The following S1PR3 variants were observed in gnomAD, a reference collection of about 807,000 sequenced individuals.
S1PR3 encodes sphingosine-1-phosphate receptor 3.
In S1PR3, 12 loss-of-function variants were observed where a neutral mutation model predicts 13.3. The ratio of observed to expected loss-of-function variants is 0.90; its 90% CI spans 0.58 to 1.46. S1PR3 has a LOEUF of 1.46. Ranked by LOEUF, S1PR3 falls within the 40% of genes most tolerant of loss-of-function variation. The pLI, the probability that S1PR3 is intolerant of heterozygous loss-of-function variation, is 0.00. For missense variants in S1PR3, 450 were observed against 501.9 expected (o/e 0.90, Z 0.99); for synonymous variants, 232 against 214.0 (o/e 1.08, Z -0.73).
Position 89,001,404 on chromosome 9 carries a change from T to C in S1PR3, c.204T>C (p.Asn68=), listed in dbSNP as rs778851016. Residue 68 remains asparagine, a synonymous_variant, in exon 2 of 2, where the codon AAT becomes AAC. Coordinates refer to ENST00000358157, the MANE Select transcript of S1PR3 (RefSeq NM_005226.4). ...LMVLIAIWKN[N]KFHNRMYFFI... ...TTTTGATTGCCATCTGGAAAAACAA[T>C]AAATTTCACAACCGCATGTACTTTT... 2 of 1,614,064 alleles carry C rather than the reference T, an allele frequency of 1.2e-6. No individual in the cohort carries two copies. Among genetic ancestry groups the C allele is most frequent in the South Asian group, 2.2e-5 (2 of 91,084 alleles).
chr9:88,991,885 A>C lies in S1PR3; in HGVS notation c.-148+190A>C. On this transcript the variant is annotated intron_variant, in intron 1 of 1. Transcript: ENST00000358157. The surrounding 1 kb of genome is among the most constrained non-coding windows in gnomAD (Gnocchi z 4.0). ...CAGGAACAGGGAGGAGGCCTTTTCC[A>C]CCGCACCCGGAGCGTTTACAACGGG... 6.2e-7 allele frequency: 1 copy of C among 1,614,160 alleles called. No homozygotes were observed. The highest frequency in any genetic ancestry group is 1.3e-5 in the African/African-American group (1 of 75,050).
chr9:88,991,020 A>G, upstream of S1PR3: 1 of 1,613,498 alleles, frequency 6.2e-7, no homozygotes, highest in Admixed American at 1.7e-5. The surrounding 1 kb of genome is among the most constrained non-coding windows in gnomAD (Gnocchi z 4.0). Flanking sequence ...GACAACGATA[A>G]TGATAGTATT....
chr9:88,992,151 T>C lies in S1PR3; in HGVS notation c.-148+456T>C, dbSNP rs117233671. On this transcript the variant is annotated intron_variant, in intron 1 of 1. Coordinates refer to ENST00000358157, the MANE Select transcript of S1PR3 (RefSeq NM_005226.4). ...CAATTAGGGCCGTCAGAATCGGTGC[T>C]GGAAGACGAAGTCCCCACAGTGCAA... 294 of 958,508 alleles carry C rather than the reference T, an allele frequency of 3.1e-4. No individual in the cohort carries two copies. The East Asian group carries it at 7.5e-3, about 24-fold the overall frequency. 59.4% of individuals were successfully genotyped at this position (958,508 alleles called of 1,614,324 possible). A position where few individuals can be genotyped will look rare whatever the true frequency, so the allele number is the denominator to read the frequency against.
chr9:88,993,344 G>T (rs1274548365), intron 1 of S1PR3: 1 of 152,240 alleles, frequency 6.6e-6, no homozygotes, highest in Admixed American at 6.5e-5. Flanking sequence ...AAAAAAAGGA[G>T]AATTTGAGCA....
chr9:88,997,594 G>C (rs1825818372), intron 1 of S1PR3: 1 of 152,228 alleles, frequency 6.6e-6, no homozygotes, highest in Non-Finnish European at 1.5e-5. Flanking sequence ...GGAACATGGA[G>C]CTGTACTTGA....
rs1426797948 is a variant in S1PR3, at chr9:89,005,060, C to T, written c.*2723C>T. ...TTGTTTTATCGTTTTCACCGGGTGCCCTCCCCACTGCAGGGGTGCGCACTG... is the reference window on the plus strand; with the variant it reads ...TTGTTTTATCGTTTTCACCGGGTGCTCTCCCCACTGCAGGGGTGCGCACTG... On this transcript the variant is annotated 3_prime_UTR_variant, in exon 2 of 2. Transcript: ENST00000358157. 6.1e-6 allele frequency: 1 copy of T among 164,336 alleles called. No individual in the cohort carries two copies. The highest frequency in any genetic ancestry group is 1.5e-5 in the Non-Finnish European group (1 of 68,096). 10.2% of individuals were successfully genotyped at this position (164,336 alleles called of 1,614,324 possible).
chr9:89,001,216 C>T lies in S1PR3; in HGVS notation c.16C>T (p.Pro6Ser). 6.2e-7 allele frequency: 1 copy of T among 1,612,738 alleles called. No individual in the cohort carries two copies. Among genetic ancestry groups the T allele is most frequent in the Non-Finnish European group, 8.5e-7 (1 of 1,178,932 alleles). Residue 6 changes from proline to serine, a missense_variant, in exon 2 of 2, where the codon CCG (proline) becomes TCG (serine). Transcript: ENST00000358157. ...ATGCCAAGTGATGGCAACTGCCCTC[C>T]CGCCGCGTCTCCAGCCGGTGCGGGG... MATAL[P>S]PRLQPVRGNE...
Position 88,995,653 on chromosome 9 carries a change from TG to T in S1PR3, c.-148+3962del, listed in dbSNP as rs375936772. On this transcript the variant is annotated intron_variant, in intron 1 of 1. Transcript: ENST00000358157. ...GGATGACATGAAAACCCTTAGCTAA[TG>T]GGGTCTTTATTGAGTAGAACTCAGG... 329 of 167,206 alleles carry T rather than the reference TG, an allele frequency of 2.0e-3. 4 individuals carry two copies. Among genetic ancestry groups the T allele is most frequent in the Middle Eastern group, 6.8e-3 (2 of 296 alleles). 10.4% of individuals were successfully genotyped at this position (167,206 alleles called of 1,614,324 possible). A position where few individuals can be genotyped will look rare whatever the true frequency, so the allele number is the denominator to read the frequency against.
At chr9:88,998,012 C>T (rs1224234537) in intron 1 of S1PR3, 2 of 152,266 alleles carry the variant, frequency 1.3e-5, no homozygotes, top group Non-Finnish European at 2.9e-5. Context: ...TGGCAGGAGA[C>T]AGCCTGATGG....
At chr9:88,995,577 G>A (rs1825792198) in intron 1 of S1PR3, 1 of 166,994 alleles carries the variant, frequency 6.0e-6, no homozygotes, top group South Asian at 2.1e-4. Flanking sequence ...AAAAAAAAAT[G>A]TGTTGGTATT....
At chr9:88,999,024 CCT>C (rs1825838163) in intron 1 of S1PR3, 1 of 152,358 alleles carries the variant, frequency 6.6e-6, no homozygotes, top group Non-Finnish European at 1.5e-5. Flanking sequence ...CAGGCAACCT[CCT>C]CTCATCCTGC....
At position 88,995,776 on chromosome 9, in the gene S1PR3, C is replaced by T. The variant is rs572097678; in HGVS notation, c.-148+4081C>T. On this transcript the variant is annotated intron_variant, in intron 1 of 1. Transcript: ENST00000358157. ...GTCTCTTGAAGAGCTGGGTGGTGGG[C>T]GGGGGTCTTCCCAGGTGGTCAGGGA... 4.8e-5 allele frequency: 8 copies of T among 167,056 alleles called. No individual in the cohort carries two copies. In the South Asian group the frequency reaches 1.0e-3, roughly 22 times the overall value. 10.3% of individuals were successfully genotyped at this position (167,056 alleles called of 1,614,324 possible).
At position 89,001,904 on chromosome 9, in the gene S1PR3, C is replaced by T. The variant is rs376050822; in HGVS notation, c.704C>T (p.Ser235Leu). Residue 235 changes from serine to leucine, a missense_variant, in exon 2 of 2, where the codon TCG becomes TTG. Physicochemically the swap from Ser to Leu is moderately radical, Grantham distance 145 (BLOSUM62 -2). Transcript: ENST00000358157. ...CGTAAGGTGGCCAACCACAACAACT[C>T]GGAGCGGTCCATGGCACTGCTGCGG... ...SSRKVANHNN[S>L]ERSMALLRTV... 9.5e-5 allele frequency: 153 copies of T among 1,614,110 alleles called. No homozygotes were observed. Among genetic ancestry groups the T allele is most frequent in the Non-Finnish European group, 1.3e-4 (151 of 1,180,048 alleles).
chr9:88,996,147 G>A (rs909526486), intron 1 of S1PR3: 8 of 155,772 alleles, frequency 5.1e-5, no homozygotes, highest in Non-Finnish European at 7.3e-5. Context: ...CACTAATACT[G>A]CATCAGTCTT....
Position 88,991,992 on chromosome 9 carries a change from G to A in S1PR3, c.-148+297G>A, listed in dbSNP as rs373669887. 4.5e-5 allele frequency: 72 copies of A among 1,614,130 alleles called. No homozygotes were observed. The highest frequency in any genetic ancestry group is 6.0e-5 in the Non-Finnish European group (71 of 1,180,050). On this transcript the variant is annotated intron_variant, in intron 1 of 1. Transcript: ENST00000358157. The surrounding 1 kb of genome is among the most constrained non-coding windows in gnomAD (Gnocchi z 4.0). ...GTCGTTTTCCTTGGACAATTAACAA[G>A]TTAGGCTTCCACAGTGCCAGGGCCT...
At chr9:88,993,364 C>G (rs1389342318) in intron 1 of S1PR3, 4 of 152,196 alleles carry the variant, frequency 2.6e-5, no homozygotes, top group Non-Finnish European at 4.4e-5. Flanking sequence ...ATGCCACAAT[C>G]TTGAAAAATC....
chr9:88,990,888 C>G (rs946839402), upstream of S1PR3: 27 of 1,382,386 alleles, frequency 2.0e-5, no homozygotes, highest in African/African-American at 3.0e-4. Context: ...ACCAGGCAGG[C>G]GCCGGAGGGG....
At chr9:88,994,395 C>T (rs182379403) in intron 1 of S1PR3, 12 of 167,172 alleles carry the variant, frequency 7.2e-5, no homozygotes, top group Admixed American at 3.3e-4. Flanking sequence ...CGGTAGCCTT[C>T]GTGGGCAGGA....
chr9:89,002,357 T>C lies in S1PR3; in HGVS notation c.*20T>C. The C allele has an allele frequency of 1.2e-6, 2 of 1,609,840 alleles. No individual in the cohort carries two copies. The highest frequency in any genetic ancestry group is 1.7e-6 in the Non-Finnish European group (2 of 1,177,150). On this transcript the variant is annotated 3_prime_UTR_variant, in exon 2 of 2. Transcript: ENST00000358157. ...AACTGATCGTCTCCATGCGCCCTGCTCTGCGGCTGTGTTCTTATTTATTGC... is the reference window on the plus strand; with the variant it reads ...AACTGATCGTCTCCATGCGCCCTGCCCTGCGGCTGTGTTCTTATTTATTGC...
Sources: allele counts gnomAD v4.1 joint callset, GRCh38; gene constraint gnomAD v4.1.1; non-coding constraint Gnocchi (gnomAD v3.1); transcripts MANE v1.5; gene names NCBI Gene and HGNC (gene_info 2026-07-23, HGNC 2026-07-21).